ROBO1: variants seen among roughly 807,000 people sequenced by gnomAD.
ROBO1 encodes roundabout guidance receptor 1, also known as roundabout homolog 1.
A neutral mutation model predicts 195.9 loss-of-function variants in ROBO1; 149 were observed. The observed-to-expected ratio is 0.76, with a 90% confidence interval of 0.67 to 0.87. ROBO1 has a LOEUF of 0.87. ROBO1 is among the 40% of genes least tolerant of loss of function. The probability of loss-of-function intolerance (pLI) is 0.00; values close to 1 mark genes in which losing one functional copy is unlikely to be tolerated. For synonymous variants in ROBO1, 816 were observed against 733.2 expected (o/e 1.11, Z -1.82); for missense variants, 1,933 against 2,068.3 (o/e 0.93, Z 1.27).
At chr3:78,646,242 C>T (rs1706283549) in intron 20 of ROBO1, 52 bp from the exon 21 acceptor site, 1 of 1,508,394 alleles carries the variant, frequency 6.6e-7, no homozygotes, top group African/African-American at 1.4e-5. Flanking sequence ...ATTTATATAT[C>T]AAAAGCTATT....
At chr3:78,818,232 T>C (rs970349359) in intron 4 of ROBO1, among the ~76,000 whole-genome samples, 1 of 152,206 alleles carries the variant, frequency 6.6e-6, no homozygotes, top group Non-Finnish European at 1.5e-5. Flanking sequence ...GACTGAAGCC[T>C]GGCCCAGCCT....
chr3:79,099,854 G>C (rs1020669634), intron 3 of ROBO1, among the ~76,000 whole-genome samples: 1 of 151,658 alleles, frequency 6.6e-6, no homozygotes, highest in Admixed American at 6.6e-5. Flanking sequence ...AACTGGGTAT[G>C]ATGTGTTTTG....
intron 2 of ROBO1, among the ~76,000 whole-genome samples, chr3:79,193,974 A>G (rs1207877276): frequency 6.6e-6 from 1 of 151,700 alleles, no homozygotes; most frequent in Non-Finnish European, 1.5e-5. Context: ...ATAAAATGCA[A>G]GTTTTCAATA....
intron 2 of ROBO1, among the ~76,000 whole-genome samples, chr3:79,334,257 C>T (rs927979134): frequency 2.7e-5 from 4 of 148,030 alleles, no homozygotes; most frequent in African/African-American, 5.0e-5. Context: ...GAGCAGAGAT[C>T]GCACCACTGA....
At chr3:78,615,915 A>G (rs1449160989) in intron 27 of ROBO1, among the ~76,000 whole-genome samples, 1 of 152,236 alleles carries the variant, frequency 6.6e-6, no homozygotes, top group Non-Finnish European at 1.5e-5. Context: ...AGCAGAGGCC[A>G]ATGCATGTTT....
intron 3 of ROBO1, among the ~76,000 whole-genome samples, chr3:79,011,819 A>G (rs995434854): frequency 1.3e-5 from 2 of 152,078 alleles, no homozygotes; most frequent in African/African-American, 4.8e-5. Context: ...AGTTAAATCA[A>G]GAGATAACAT....
intron 1 of ROBO1, among the ~76,000 whole-genome samples, chr3:79,675,163 A>G (rs1946747815): frequency 6.6e-6 from 1 of 151,966 alleles, no homozygotes; most frequent in African/African-American, 2.4e-5. Context: ...TGGTCATTAG[A>G]ATATTACAGT....
intron 2 of ROBO1, among the ~76,000 whole-genome samples, chr3:79,445,304 C>T (rs2039203720): frequency 6.6e-6 from 1 of 151,600 alleles, no homozygotes; most frequent in Non-Finnish European, 1.5e-5. Context: ...TATTTAACCC[C>T]AGACTGAACA....
At chr3:79,082,569 C>G (rs1240411165) in intron 3 of ROBO1, among the ~76,000 whole-genome samples, 1 of 151,804 alleles carries the variant, frequency 6.6e-6, no homozygotes, top group Non-Finnish European at 1.5e-5. Context: ...TAGAAGAGAC[C>G]AAATGTAGAA....
At chr3:78,988,830 C>A (rs773602369) in intron 3 of ROBO1, among the ~76,000 whole-genome samples, 35 of 152,026 alleles carry the variant, frequency 2.3e-4, no homozygotes, top group Admixed American at 6.6e-5. Flanking sequence ...AAATTATGAT[C>A]CTTAGGAAAG....
chr3:79,156,088 C>A (rs1224807158), intron 2 of ROBO1, among the ~76,000 whole-genome samples: 1 of 151,684 alleles, frequency 6.6e-6, no homozygotes, highest in African/African-American at 2.4e-5. Flanking sequence ...TTAGTCCTAG[C>A]CATGCTATTC....
chr3:79,386,454 AT>A (rs2106666811), intron 2 of ROBO1, among the ~76,000 whole-genome samples: 1 of 152,266 alleles, frequency 6.6e-6, no homozygotes, highest in South Asian at 2.1e-4. Context: ...CCATCAACGT[AT>A]AAAGTAAGGT....
intron 3 of ROBO1, among the ~76,000 whole-genome samples, chr3:78,980,981 A>C (rs941962205): frequency 6.6e-6 from 1 of 152,212 alleles, no homozygotes; most frequent in African/African-American, 2.4e-5. Context: ...GGATGATGAC[A>C]GTCATTCGTA....
At chr3:79,086,840 T>A (rs994742786) in intron 3 of ROBO1, among the ~76,000 whole-genome samples, 2 of 152,180 alleles carry the variant, frequency 1.3e-5, no homozygotes, top group African/African-American at 4.8e-5. Flanking sequence ...AACAATGTTA[T>A]GTAATTATGG....
chr3:79,416,160 T>C (rs973857031), intron 2 of ROBO1, among the ~76,000 whole-genome samples: 1 of 151,970 alleles, frequency 6.6e-6, no homozygotes, highest in African/African-American at 2.4e-5. Flanking sequence ...TTGAATTAAA[T>C]AGAACCACGA....
intron 2 of ROBO1, among the ~76,000 whole-genome samples, chr3:79,275,762 T>A (rs990821443): frequency 1.3e-5 from 2 of 151,928 alleles, no homozygotes; most frequent in Non-Finnish European, 2.9e-5. Flanking sequence ...CTATTGGAAC[T>A]GAAAAACAAA....
chr3:79,579,528 A>C (rs554564172), intron 2 of ROBO1, among the ~76,000 whole-genome samples: 1 of 152,318 alleles, frequency 6.6e-6, no homozygotes, highest in East Asian at 1.9e-4. Flanking sequence ...AGAAACTTCA[A>C]AGCAATGAGA....
At chr3:79,404,405 A>G (rs2037470416) in intron 2 of ROBO1, among the ~76,000 whole-genome samples, 1 of 152,098 alleles carries the variant, frequency 6.6e-6, no homozygotes, top group African/African-American at 2.4e-5. Flanking sequence ...TATCCACCAT[A>G]ATTGCATATT....
At chr3:79,542,345 C>CA (rs1297091192) in intron 2 of ROBO1, among the ~76,000 whole-genome samples, 4 of 151,978 alleles carry the variant, frequency 2.6e-5, no homozygotes, top group Non-Finnish European at 5.9e-5. Context: ...AATGTACAAT[C>CA]ACATTTTTTG....
Sources: gnomAD v4.1 joint callset for allele counts (sites outside exome capture counted in the v4.1 genomes callset) on GRCh38, gnomAD v4.1.1 for gene constraint, MANE v1.5 for transcripts, NCBI Gene and HGNC (gene_info 2026-07-23, HGNC 2026-07-21) for gene names.